Variants in ANK2 observed in about 807,000 individuals in gnomAD.
ANK2 encodes the protein ankyrin-2.
A neutral mutation model predicts 360.5 loss-of-function variants in ANK2; 83 were observed. That is an observed-to-expected ratio of 0.23 (90% CI 0.19 to 0.28). The LOEUF (loss-of-function observed/expected upper bound fraction) is 0.28. ANK2 is among the 10% of genes least tolerant of loss of function. ANK2 has a pLI of 1.00. For synonymous variants in ANK2, 1,740 were observed against 1,759.5 expected, an observed-to-expected ratio of 0.99 and a Z score of 0.28; for missense variants, 4,201 against 4,795.7, an observed-to-expected ratio of 0.88 and a Z score of 3.66.
chr4:112,821,903 G>A (rs1345009615), intron 1 of ANK2, among the ~76,000 whole-genome samples: 1 of 151,756 alleles, frequency 6.6e-6, no homozygotes, highest in Non-Finnish European at 1.5e-5. Flanking sequence ...AAATAGCTGG[G>A]ACCACAGGTG....
intron 23 of ANK2, among the ~76,000 whole-genome samples, chr4:113,308,516 A>G (rs1389324101): frequency 6.6e-6 from 1 of 152,220 alleles, no homozygotes; most frequent in Non-Finnish European, 1.5e-5. Flanking sequence ...GGCAGATGGA[A>G]AATATCAACA....
chr4:112,724,465 TG>T, the ANK2 span, among the ~76,000 whole-genome samples: 1 of 151,572 alleles, frequency 6.6e-6, no homozygotes, highest in African/African-American at 2.4e-5. Context: ...AATGCAGCAG[TG>T]ACAAAAACAA....
At chr4:113,289,332 G>A (rs2066384045) in intron 20 of ANK2, among the ~76,000 whole-genome samples, 1 of 151,170 alleles carries the variant, frequency 6.6e-6, no homozygotes, top group Non-Finnish European at 1.5e-5. Context: ...TCTTGCCTCA[G>A]GACTGGCTAG....
At position 112,964,527 on chromosome 4, in the gene ANK2, C is replaced by T. The variant is rs113806510; in HGVS notation, c.21+60013C>T. Among the ~76,000 whole-genome samples the T allele has an allele frequency of 6.2e-3, 938 of 151,640 alleles. 7 individuals are homozygous for T. The highest frequency in any genetic ancestry group is 0.021 in the African/African-American group (848 of 41,360). ...TGAATCTCATTCTTTTTTATGGCTGCGTAGTACTCCTTTTTGTATATGTAC... is the reference window on the plus strand; with the variant it reads ...TGAATCTCATTCTTTTTTATGGCTGTGTAGTACTCCTTTTTGTATATGTAC... On this transcript the variant is annotated intron_variant, in intron 2 of 30. Transcript: ENST00000503271.
chr4:113,364,961 T>G (rs2096450624), intron 40 of ANK2, 78 bp from the exon 41 acceptor site: 1 of 1,569,254 alleles, frequency 6.4e-7, no homozygotes, highest in African/African-American at 1.4e-5. Context: ...TATCAAAAAT[T>G]TAGTAAGGCA....
the ANK2 span, among the ~76,000 whole-genome samples, chr4:112,779,297 T>A: frequency 1.3e-5 from 2 of 152,190 alleles, no homozygotes; most frequent in Non-Finnish European, 2.9e-5. Flanking sequence ...GGCGGGCAGA[T>A]CACAAGGTCA....
Position 113,091,599 on chromosome 4 carries a change from A to T in ANK2, c.84+41787A>T, listed in dbSNP as rs1292167919. 2.0e-5 allele frequency among the ~76,000 whole-genome samples: 3 copies of T among 152,360 alleles called. No homozygotes were observed. In the East Asian group the frequency reaches 5.8e-4, roughly 29 times the overall value. On this transcript the variant is annotated intron_variant, in intron 1 of 45. Transcript: ENST00000357077. ...GGATCAGCACTACAGAAAATTATCA[A>T]AATTAGCTTTTAATAGCAGTAGCTA...
upstream of ANK2, among the ~76,000 whole-genome samples, chr4:112,816,623 A>G (rs2055661671): frequency 6.6e-6 from 1 of 152,192 alleles, no homozygotes; most frequent in African/African-American, 2.4e-5. Context: ...AAAATAATGA[A>G]AACCAAGGGT....
chr4:113,163,787 A>AAAAAAAAAAAAAAAAAAC (rs2097651057), intron 1 of ANK2, among the ~76,000 whole-genome samples: 1 of 100,478 alleles, frequency 1.0e-5, no homozygotes, highest in Non-Finnish European at 2.4e-5. Context: ...AAAAAAAAAA[A>AAAAAAAAAAAAAAAAAAC]AAAAAGAAAA....
intron 9 of ANK2, among the ~76,000 whole-genome samples, chr4:113,243,741 T>C (rs561607751): frequency 2.0e-5 from 3 of 152,324 alleles, no homozygotes; most frequent in South Asian, 2.1e-4. Flanking sequence ...CATTACTACA[T>C]TACTAACATC....
rs191027327 is a variant in ANK2, at chr4:112,925,585, C to T, written c.21+21071C>T. 1.8e-3 allele frequency among the ~76,000 whole-genome samples: 279 copies of T among 152,252 alleles called. 1 individual carries two copies. The highest frequency in any genetic ancestry group is 3.4e-3 in the Middle Eastern group (1 of 294). On this transcript the variant is annotated intron_variant, in intron 2 of 30. Transcript: ENST00000503271. ...CTAATATGAAACTTGGCATAGTCCTCCTAGTTCCCAATAATAGTGATAGTA... is the reference window on the plus strand; with the variant it reads ...CTAATATGAAACTTGGCATAGTCCTTCTAGTTCCCAATAATAGTGATAGTA...
At chr4:112,897,788 A>G (rs1288854646) in intron 1 of ANK2, among the ~76,000 whole-genome samples, 1 of 152,178 alleles carries the variant, frequency 6.6e-6, no homozygotes, top group African/African-American at 2.4e-5. Flanking sequence ...GCCTCTCCAG[A>G]AGGTGTCAGC....
At chr4:113,377,245 T>C (rs2096980758) in intron 45 of ANK2, among the ~76,000 whole-genome samples, 2 of 152,126 alleles carry the variant, frequency 1.3e-5, no homozygotes, top group African/African-American at 4.8e-5. Context: ...TTTTATATGA[T>C]TGGCACCTTA....
chr4:113,165,603 T>C (rs2097722955), intron 1 of ANK2, among the ~76,000 whole-genome samples: 1 of 152,156 alleles, frequency 6.6e-6, no homozygotes, highest in Non-Finnish European at 1.5e-5. Context: ...TTAAGATACC[T>C]CCACACCAAG....
the ANK2 span, among the ~76,000 whole-genome samples, chr4:112,759,634 A>T: frequency 6.6e-6 from 1 of 152,146 alleles, no homozygotes; most frequent in South Asian, 2.1e-4. Context: ...GTGAAAAGCA[A>T]GCCATTTTCT....
At chr4:113,360,413 C>G (rs1429028729) in intron 38 of ANK2, among the ~76,000 whole-genome samples, 2 of 152,052 alleles carry the variant, frequency 1.3e-5, no homozygotes, top group Non-Finnish European at 2.9e-5. Context: ...TGGAAATGAT[C>G]TATCCCTCCA....
the ANK2 span, among the ~76,000 whole-genome samples, chr4:112,810,157 ATATTTTTTTTTT>A: frequency 2.0e-3 from 47 of 23,660 alleles, no homozygotes; most frequent in African/African-American, 9.5e-3. Flanking sequence ...ATATATATAT[ATATTTTTTTTTT>A]TTTTTTTTTT....
At chr4:112,985,611 G>A (rs2044571630) in intron 2 of ANK2, among the ~76,000 whole-genome samples, 1 of 152,198 alleles carries the variant, frequency 6.6e-6, no homozygotes, top group Admixed American at 6.5e-5. Context: ...GTTGGTTTCA[G>A]TGTTAGTTCT....
At chr4:113,324,203 T>C (rs1041573759) in intron 26 of ANK2, among the ~76,000 whole-genome samples, 5 of 152,208 alleles carry the variant, frequency 3.3e-5, no homozygotes, top group Non-Finnish European at 7.3e-5. Context: ...AGAGAGTTTT[T>C]TGTTGTTCTG....
Sources: allele counts gnomAD v4.1 joint callset (sites outside exome capture counted in the v4.1 genomes callset), GRCh38; gene constraint gnomAD v4.1.1; transcripts MANE v1.5; gene names NCBI Gene and HGNC (gene_info 2026-07-23, HGNC 2026-07-21).